The following ZNF644 variants were observed in gnomAD, a reference collection of about 807,000 sequenced individuals.
ZNF644 encodes zinc finger motif enhancer binding protein 2.
Under a neutral mutation model 108.0 loss-of-function variants are expected in ZNF644, and 20 were observed. The observed-to-expected ratio is 0.19, with a 90% confidence interval of 0.13 to 0.27. The LOEUF is 0.27. ZNF644 is among the 10% of genes least tolerant of loss of function. The pLI is 1.00. For synonymous variants in ZNF644, 542 were observed against 539.1 expected (o/e 1.01, Z -0.08); for missense variants, 1,338 against 1,548.9 (o/e 0.86, Z 2.29).
intron 2 of ZNF644, among the ~76,000 whole-genome samples, chr1:90,956,237 A>T (rs996706812): frequency 6.6e-6 from 1 of 152,210 alleles, no homozygotes; most frequent in Non-Finnish European, 1.5e-5. Flanking sequence ...ATAACAAAAT[A>T]AAAAGTTTGA....
rs537715636 is a variant in ZNF644 at position 90,962,052 on chromosome 1, G to A, written c.44+20258C>T. 1.7e-3 allele frequency among the ~76,000 whole-genome samples: 254 copies of A among 152,164 alleles called. 1 individual carries two copies. The highest frequency in any genetic ancestry group is 3.0e-3 in the Non-Finnish European group (203 of 67,920). ...TTTAAAAAGTTCAAAGGGATCCTGA[G>A]AAGAAAGAATTTCAGTCTGAGTGAG... is the stretch of plus-strand genomic sequence containing the variant. On this transcript the variant is annotated intron_variant, in intron 2 of 5. Coordinates refer to ENST00000337393, the MANE Select transcript of ZNF644 (RefSeq NM_201269.3).
chr1:90,979,292 T>C (rs966830240), intron 2 of ZNF644, among the ~76,000 whole-genome samples: 1 of 151,968 alleles, frequency 6.6e-6, no homozygotes. Context: ...ACGAACATAG[T>C]GAAACCCCAT....
Position 91,007,225 on chromosome 1 carries a change from G to GTTTTT in ZNF644, c.-18+14760_-18+14764dup, listed in dbSNP as rs35761791. Among the ~76,000 whole-genome samples the GTTTTT allele has an allele frequency of 2.7e-4, 15 of 55,994 alleles. 1 individual carries two copies. Among genetic ancestry groups the GTTTTT allele is most frequent in the African/African-American group, 5.3e-4 (7 of 13,134 alleles). 36.7% of individuals were successfully genotyped at this position (55,994 alleles called of 152,430 possible). Reference sequence around the variant, plus strand: ...AATTTCTTCCATTTTCTCCCATTTTGTTTTTTTTTTTTTTTTTTTTTTTTT... The same window carrying GTTTTT: ...AATTTCTTCCATTTTCTCCCATTTTGTTTTTTTTTTTTTTTTTTTTTTTTTTTTTT... On this transcript the variant is annotated intron_variant, in intron 1 of 5. Coordinates refer to ENST00000337393, the MANE Select transcript of ZNF644 (RefSeq NM_201269.3).
chr1:90,978,538 G>A (rs1227105702), intron 2 of ZNF644, among the ~76,000 whole-genome samples: 1 of 152,070 alleles, frequency 6.6e-6, no homozygotes. Flanking sequence ...AGAAACTGAA[G>A]TACAGAGAGG....
chr1:90,927,989 G>T (rs191236729), intron 4 of ZNF644, among the ~76,000 whole-genome samples: 2 of 151,140 alleles, frequency 1.3e-5, no homozygotes, highest in Non-Finnish European at 3.0e-5. Flanking sequence ...GATTACAGGC[G>T]CCCACCACCA....
chr1:91,019,734 T>G (rs1210644308), intron 1 of ZNF644, among the ~76,000 whole-genome samples: 1 of 152,044 alleles, frequency 6.6e-6, no homozygotes, highest in African/African-American at 2.4e-5. Flanking sequence ...GCCCAGGAAA[T>G]TTTTACATTT....
intron 4 of ZNF644, among the ~76,000 whole-genome samples, chr1:90,935,866 C>A (rs190171175): frequency 6.6e-6 from 1 of 152,106 alleles, no homozygotes; most frequent in Non-Finnish European, 1.5e-5. Flanking sequence ...TTGAACAACA[C>A]GGTTCTGTTG....
At chr1:91,020,390 C>G (rs1660798540) in intron 1 of ZNF644, 1 of 152,146 alleles carries the variant, frequency 6.6e-6, no homozygotes, top group Non-Finnish European at 1.5e-5. Context: ...TTAGGTGTTT[C>G]AAAATTTTGT....
chr1:90,987,246 GTT>G (rs55996875), intron 1 of ZNF644, among the ~76,000 whole-genome samples: 13,677 of 120,930 alleles, frequency 0.11, 911 homozygotes, highest in East Asian at 0.14. Flanking sequence ...CCTAGAGTTG[GTT>G]TTTTTTTTTT....
At position 90,937,668 on chromosome 1, in the gene ZNF644, G is replaced by C. The variant is rs1651479352; in HGVS notation, c.3505C>G (p.Leu1169Val). 6 of 1,613,926 alleles carry C rather than the reference G, an allele frequency of 3.7e-6. No individual in the cohort carries two copies. The highest frequency in any genetic ancestry group is 5.1e-6 in the Non-Finnish European group (6 of 1,179,902). The change falls in exon 4 of 6, where the codon CTT (leucine) becomes GTT (valine). Residue 1169 changes from leucine to valine, a missense_variant. By Grantham distance (32) the Leu-to-Val change is conservative. Around this residue, in one of 6 missense-constraint regions of ZNF644, gnomAD observed 287 missense variants for 310.9 expected, o/e 0.92. Transcript: ENST00000337393. ...TTTTTAAGAAGTTCTATGAGTGTAAGAGACTGATTCTTTTTCCCACTGGGC... is the reference window on the plus strand; with the variant it reads ...TTTTTAAGAAGTTCTATGAGTGTAACAGACTGATTCTTTTTCCCACTGGGC... ...ELPSGKKNQS[L>V]TLIELLKNKR...
At chr1:90,996,432 A>G (rs1459267316) in intron 1 of ZNF644, among the ~76,000 whole-genome samples, 2 of 152,178 alleles carry the variant, frequency 1.3e-5, no homozygotes, top group Non-Finnish European at 2.9e-5. Context: ...AGACCAGCAC[A>G]CTTTAAGGCA....
intron 2 of ZNF644, among the ~76,000 whole-genome samples, chr1:90,973,743 T>G (rs1265429494): frequency 6.6e-6 from 1 of 152,172 alleles, no homozygotes; most frequent in Non-Finnish European, 1.5e-5. Context: ...TAGAGGGCAC[T>G]GCAGGAGACG....
At chr1:90,925,881 C>T (rs1649977393) in intron 4 of ZNF644, among the ~76,000 whole-genome samples, 1 of 152,134 alleles carries the variant, frequency 6.6e-6, no homozygotes, top group South Asian at 2.1e-4. Flanking sequence ...CTAAGTTCTA[C>T]AGCAGACTGA....
intron 2 of ZNF644, among the ~76,000 whole-genome samples, chr1:90,947,546 A>T: frequency 6.6e-6 from 1 of 152,182 alleles, no homozygotes; most frequent in East Asian, 1.9e-4. Flanking sequence ...ATTATGCCAT[A>T]AATTGTCATT....
At chr1:90,988,155 T>C (rs1399359367) in intron 1 of ZNF644, among the ~76,000 whole-genome samples, 1 of 152,092 alleles carries the variant, frequency 6.6e-6, no homozygotes, top group Non-Finnish European at 1.5e-5. Flanking sequence ...AGAAAACTCT[T>C]AAATTTTCAA....
At chr1:90,932,702 G>C (rs1451480169) in intron 4 of ZNF644, among the ~76,000 whole-genome samples, 4 of 151,508 alleles carry the variant, frequency 2.6e-5, no homozygotes, top group Non-Finnish European at 5.9e-5. Context: ...AATAAAGCTT[G>C]AAAAAAAACT....
At chr1:91,014,737 C>A (rs1430417149) in intron 1 of ZNF644, among the ~76,000 whole-genome samples, 3 of 150,780 alleles carry the variant, frequency 2.0e-5, no homozygotes, top group African/African-American at 7.3e-5. Context: ...AATACGACAC[C>A]ACTTGAAATA....
intron 2 of ZNF644, among the ~76,000 whole-genome samples, chr1:90,950,297 G>GAGGGGAGGGGAGGGGAGGGCAGGGC (rs1553151444): frequency 3.8e-5 from 1 of 26,070 alleles, no homozygotes; most frequent in East Asian, 1.5e-3. Flanking sequence ...AAGGGAAGGG[G>GAGGGGAGGGGAGGGGAGGGCAGGGC]AGGGGAGGGG....
intron 1 of ZNF644, among the ~76,000 whole-genome samples, chr1:90,986,602 G>C (rs1657124864): frequency 6.6e-6 from 1 of 152,056 alleles, no homozygotes; most frequent in South Asian, 2.1e-4. Context: ...CTATCCTGCT[G>C]AAATTTGTTG....
Sources: gnomAD v4.1 joint callset for allele counts (sites outside exome capture counted in the v4.1 genomes callset) on GRCh38, gnomAD v4.1.1 for gene constraint, gnomAD v4.1.1 regional missense constraint, MANE v1.5 for transcripts, NCBI Gene and HGNC (gene_info 2026-07-23, HGNC 2026-07-21) for gene names.